The following SLC8A3 variants were observed in gnomAD, a reference collection of about 807,000 sequenced individuals.
SLC8A3 encodes sodium/calcium exchanger 3.
A neutral mutation model predicts 65.4 loss-of-function variants in SLC8A3; 37 were observed. The ratio of observed to expected loss-of-function variants is 0.57; its 90% CI spans 0.44 to 0.74. The LOEUF (loss-of-function observed/expected upper bound fraction) is 0.74. Ranked by LOEUF, SLC8A3 falls within the 30% of genes least tolerant of loss-of-function variation. The pLI, the probability that SLC8A3 is intolerant of heterozygous loss-of-function variation, is 0.00. For missense variants in SLC8A3, 1,112 were observed against 1,172.1 expected, an observed-to-expected ratio of 0.95 and a Z score of 0.75; for synonymous variants, 461 against 444.5, an observed-to-expected ratio of 1.04 and a Z score of -0.47.
intron 2 of SLC8A3, among the ~76,000 whole-genome samples, chr14:70,145,849 A>G (rs902628542): frequency 1.3e-5 from 2 of 151,828 alleles, no homozygotes; most frequent in Admixed American, 6.6e-5. Context: ...CAGGGTAGGC[A>G]GGAGGGATGA....
intron 2 of SLC8A3, chr14:70,063,678 C>G (rs2030600361): frequency 8.5e-6 from 5 of 590,004 alleles, no homozygotes; most frequent in Non-Finnish European, 1.5e-5. Context: ...GAAAAGAGAG[C>G]AGGAGAGAGA....
chr14:70,059,505 T>A (rs1341097920), intron 3 of SLC8A3: 1 of 152,176 alleles, frequency 6.6e-6, no homozygotes, highest in Admixed American at 6.5e-5. Flanking sequence ...TTCCCACATC[T>A]ATGCCTCCAA....
At chr14:70,068,040 C>T (rs990993067) in intron 2 of SLC8A3, among the ~76,000 whole-genome samples, 5 of 152,196 alleles carry the variant, frequency 3.3e-5, no homozygotes, top group African/African-American at 7.2e-5. Context: ...TGAGCTGCTG[C>T]GGAAACCTGC....
At position 70,073,076 on chromosome 14, in the gene SLC8A3, C is replaced by T. The variant is rs190984619; in HGVS notation, c.1785-12137G>A. Reference sequence around the variant, plus strand: ...TCTTACCCTTCCCTTCCCTTCCCTTCCCTTCCTTCCTTCCACTCTTCCATA... The same window carrying T: ...TCTTACCCTTCCCTTCCCTTCCCTTTCCTTCCTTCCTTCCACTCTTCCATA... On this transcript the variant is annotated intron_variant, in intron 2 of 6. Coordinates refer to ENST00000356921, the MANE Select transcript of SLC8A3 (RefSeq NM_182932.3). Among the ~76,000 whole-genome samples, 9 of 152,046 alleles carry T rather than the reference C, an allele frequency of 5.9e-5. No homozygotes were observed. The East Asian group carries it at 1.7e-3, about 29-fold the overall frequency.
chr14:70,069,761 T>A (rs1220611414), intron 2 of SLC8A3, among the ~76,000 whole-genome samples: 1 of 152,078 alleles, frequency 6.6e-6, no homozygotes, highest in Non-Finnish European at 1.5e-5. Context: ...AGGCTTAGGG[T>A]CTCTAATTGG....
rs56069615 is a variant in SLC8A3, at chr14:70,116,369, G to A, written c.1784+50270C>T. 5.2e-3 allele frequency among the ~76,000 whole-genome samples: 787 copies of A among 151,592 alleles called. 10 individuals are homozygous for A. The highest frequency in any genetic ancestry group is 0.017 in the African/African-American group (715 of 41,102). Reference sequence around the variant, plus strand: ...TGTGTGTGTGTGTATGTGTGTGCACGTTTGTGTGCAGGGTGGAACGGGAAG... The same window carrying A: ...TGTGTGTGTGTGTATGTGTGTGCACATTTGTGTGCAGGGTGGAACGGGAAG... On this transcript the variant is annotated intron_variant, in intron 2 of 6. Transcript: ENST00000356921.
intron 2 of SLC8A3, among the ~76,000 whole-genome samples, chr14:70,126,988 C>T (rs1894500814): frequency 6.6e-6 from 1 of 152,086 alleles, no homozygotes; most frequent in African/African-American, 2.4e-5. Flanking sequence ...TTTATTCATG[C>T]TATGACCAAT....
At chr14:70,050,067 T>A (rs1887305820) in intron 5 of SLC8A3, among the ~76,000 whole-genome samples, 2 of 152,230 alleles carry the variant, frequency 1.3e-5, no homozygotes, top group Non-Finnish European at 1.5e-5. Flanking sequence ...TCATTCCAGC[T>A]TTGCCATGAA....
At chr14:70,098,147 T>C (rs137930887) in intron 2 of SLC8A3, among the ~76,000 whole-genome samples, 46 of 152,266 alleles carry the variant, frequency 3.0e-4, no homozygotes, top group African/African-American at 1.1e-3. Flanking sequence ...CCCTGACATG[T>C]GACCAGGACA....
At chr14:70,116,570 G>A (rs1893684150) in intron 2 of SLC8A3, among the ~76,000 whole-genome samples, 1 of 152,174 alleles carries the variant, frequency 6.6e-6, no homozygotes, top group South Asian at 2.1e-4. Context: ...TGGTTCTCAG[G>A]TACAACAGTA....
At position 70,079,935 on chromosome 14, in the gene SLC8A3, T is replaced by C. The variant is rs185028514; in HGVS notation, c.1785-18996A>G. The C allele has an allele frequency of 8.2e-4, 150 of 183,714 alleles. 3 individuals are homozygous for C. Among genetic ancestry groups the C allele is most frequent in the Middle Eastern group, 5.6e-3 (2 of 356 alleles). The allele number at this position is 183,714 out of a possible 1,614,324, so 11.4% of individuals were successfully genotyped here. Reference sequence around the variant, plus strand: ...GTTAAAATCTTAGTTCTACTGCTTATAGCTGTGTGACCTTGGCCAAATCTC... The same window carrying C: ...GTTAAAATCTTAGTTCTACTGCTTACAGCTGTGTGACCTTGGCCAAATCTC... On this transcript the variant is annotated intron_variant, in intron 2 of 6. Transcript: ENST00000356921.
chr14:70,045,980 T>A lies in SLC8A3; in HGVS notation c.2733A>T (p.Thr911=), dbSNP rs756288915. The part of the protein sequence containing the change: ...SLWLLYILFA[T]LEAYCYIKGF ...CCTTGATGTAGCAATAGGCCTCTAGTGTGGCAAAGAGTATGTAGAGGAGCC... is the reference window on the plus strand; with the variant it reads ...CCTTGATGTAGCAATAGGCCTCTAGAGTGGCAAAGAGTATGTAGAGGAGCC... The change falls in exon 7 of 7, where the codon ACA becomes ACT. Residue 911 remains threonine, a synonymous_variant. Coordinates refer to ENST00000356921, the MANE Select transcript of SLC8A3 (RefSeq NM_182932.3). The A allele has an allele frequency of 1.0e-5, 16 of 1,605,294 alleles. No individual in the cohort carries two copies. Among genetic ancestry groups the A allele is most frequent in the Non-Finnish European group, 1.4e-5 (16 of 1,173,922 alleles).
intron 1 of SLC8A3, among the ~76,000 whole-genome samples, chr14:70,179,856 G>A (rs766667350): frequency 6.6e-6 from 1 of 152,206 alleles, no homozygotes; most frequent in Non-Finnish European, 1.5e-5. Context: ...TACAGAAGAA[G>A]AAATTGGGGC....
rs1448293080 is a variant in SLC8A3 at position 70,144,316 on chromosome 14, T to TG, written c.1784+22322_1784+22323insC. Among the ~76,000 whole-genome samples, 435 of 141,494 alleles carry TG rather than the reference T, an allele frequency of 3.1e-3. 1 individual carries two copies. Among genetic ancestry groups the TG allele is most frequent in the African/African-American group, 0.011 (407 of 38,368 alleles). 92.8% of individuals were successfully genotyped at this position (141,494 alleles called of 152,430 possible). A position where few individuals can be genotyped will look rare whatever the true frequency, so the allele number is the denominator to read the frequency against. ...ACTAACGAAAACTTCCTGTTTTTTT[T>TG]TTTTTTTTTTTTTTTAAAAAAAAAA... is the stretch of plus-strand genomic sequence containing the variant. On this transcript the variant is annotated intron_variant, in intron 2 of 6. Coordinates refer to ENST00000356921, the MANE Select transcript of SLC8A3 (RefSeq NM_182932.3).
At chr14:70,148,418 C>T (rs1487381697) in intron 2 of SLC8A3, among the ~76,000 whole-genome samples, 1 of 152,056 alleles carries the variant, frequency 6.6e-6, no homozygotes, top group Admixed American at 6.6e-5. Flanking sequence ...AGAGGGTTGG[C>T]AGAAGAGGGT....
intron 2 of SLC8A3, chr14:70,080,097 C>T (rs1890922968): frequency 1.0e-6 from 1 of 985,570 alleles, no homozygotes; most frequent in Non-Finnish European, 1.2e-6. Context: ...CCCCTCTTTC[C>T]TTGACCCCTT....
chr14:70,085,608 A>G (rs6573923), intron 2 of SLC8A3, among the ~76,000 whole-genome samples: 136,559 of 152,198 alleles, frequency 0.9, 61,447 homozygotes, highest in East Asian at 1. Flanking sequence ...CGATGCCAAC[A>G]CTATGCAGAG....
chr14:70,074,257 C>G (rs1268487689), intron 2 of SLC8A3, among the ~76,000 whole-genome samples: 2 of 152,170 alleles, frequency 1.3e-5, no homozygotes, highest in African/African-American at 4.8e-5. Flanking sequence ...TCAGAAATTT[C>G]CACCTGTGAG....
chr14:70,110,636 A>C (rs117343554), intron 2 of SLC8A3, among the ~76,000 whole-genome samples: 1 of 150,130 alleles, frequency 6.7e-6, no homozygotes. Context: ...TATTGTGAAC[A>C]GTGCTGCTGC....
Sources: gnomAD v4.1 joint callset for allele counts (sites outside exome capture counted in the v4.1 genomes callset) on GRCh38, gnomAD v4.1.1 for gene constraint, MANE v1.5 for transcripts, NCBI Gene and HGNC (gene_info 2026-07-23, HGNC 2026-07-21) for gene names.